RIT2: variants seen among roughly 807,000 people sequenced by gnomAD.
The protein encoded by RIT2 is Ras like without CAAX 2.
Under a neutral mutation model 23.7 loss-of-function variants are expected in RIT2, and 24 were observed. The ratio of observed to expected loss-of-function variants is 1.01; its 90% CI spans 0.73 to 1.43. The LOEUF is 1.43. Ranked by LOEUF, RIT2 falls within the 40% of genes most tolerant of loss-of-function variation. RIT2 has a pLI of 0.00. For missense variants in RIT2, 236 were observed against 266.9 expected (o/e 0.88, Z 0.81); for synonymous variants, 107 against 91.1 (o/e 1.17, Z -0.99).
At chr18:42,843,765 A>G (rs760289155) in intron 4 of RIT2, among the ~76,000 whole-genome samples, 39 of 152,182 alleles carry the variant, frequency 2.6e-4, no homozygotes, top group Admixed American at 2.0e-4. Flanking sequence ...GTTTGTAGCA[A>G]TGACTGGAGA....
chr18:42,748,562 C>T (rs545941105), intron 4 of RIT2, among the ~76,000 whole-genome samples: 1 of 152,086 alleles, frequency 6.6e-6, no homozygotes, highest in Admixed American at 6.6e-5. Flanking sequence ...GTAGAACTAC[C>T]AGTTGATCCA....
intron 4 of RIT2, among the ~76,000 whole-genome samples, chr18:42,921,759 T>A (rs562542896): frequency 3.3e-4 from 50 of 152,218 alleles, no homozygotes; most frequent in Admixed American, 8.5e-4. Context: ...CTCCAGGAAT[T>A]CTTAGAAGTG....
chr18:43,095,403 G>A (rs1913529075), intron 1 of RIT2, among the ~76,000 whole-genome samples: 2 of 151,616 alleles, frequency 1.3e-5, no homozygotes, highest in Non-Finnish European at 2.9e-5. Context: ...ATTTTTTGAT[G>A]GGGTTAAAAA....
Position 42,816,257 on chromosome 18 carries a change from T to C in RIT2, c.427-72537A>G, listed in dbSNP as rs531955128. 2.0e-5 allele frequency among the ~76,000 whole-genome samples: 3 copies of C among 152,266 alleles called. No individual in the cohort carries two copies. In the East Asian group the frequency reaches 5.8e-4, roughly 29 times the overall value. ...CACTGAACACAGACTTGGAAAGAGA[T>C]GCTTGTGCACAATTGGCTCTTGAGA... On this transcript the variant is annotated intron_variant, in intron 4 of 4. Transcript: ENST00000326695.
intron 4 of RIT2, among the ~76,000 whole-genome samples, chr18:42,753,500 G>T (rs1193580960): frequency 6.6e-6 from 1 of 151,988 alleles, no homozygotes; most frequent in African/African-American, 2.4e-5. Flanking sequence ...ATGCCTACTG[G>T]GTGCTGTTAA....
At chr18:42,873,898 T>A (rs923362289) in intron 4 of RIT2, among the ~76,000 whole-genome samples, 6 of 152,264 alleles carry the variant, frequency 3.9e-5, no homozygotes, top group South Asian at 2.1e-4. Context: ...AGTACTGAAC[T>A]GGGAATCAGA....
chr18:42,843,860 G>A (rs1372603509), intron 4 of RIT2, among the ~76,000 whole-genome samples: 5 of 152,002 alleles, frequency 3.3e-5, no homozygotes, highest in African/African-American at 1.2e-4. Context: ...ATCTAAGGAA[G>A]TATCTGAAAT....
intron 3 of RIT2, among the ~76,000 whole-genome samples, chr18:42,973,656 G>C (rs1910411692): frequency 1.3e-5 from 2 of 151,336 alleles, no homozygotes; most frequent in South Asian, 4.2e-4. Context: ...ACTAAATCTT[G>C]GTTATGTCAC....
At chr18:43,009,741 G>A (rs1249726177) in intron 2 of RIT2, among the ~76,000 whole-genome samples, 1 of 151,602 alleles carries the variant, frequency 6.6e-6, no homozygotes, top group East Asian at 1.9e-4. Context: ...TCCAATTAAA[G>A]CGTGACATTG....
intron 1 of RIT2, among the ~76,000 whole-genome samples, chr18:43,092,423 T>C (rs1166358511): frequency 6.6e-6 from 1 of 152,128 alleles, no homozygotes; most frequent in Non-Finnish European, 1.5e-5. Context: ...TGAAAAATGC[T>C]TTTATTCCCT....
intron 2 of RIT2, among the ~76,000 whole-genome samples, chr18:43,001,430 T>C (rs918001525): frequency 5.3e-5 from 8 of 152,064 alleles, no homozygotes; most frequent in Middle Eastern, 3.4e-3. Context: ...TGTTCATATA[T>C]AGGCCAAAAG....
At chr18:42,867,698 G>T (rs1181640196) in intron 4 of RIT2, among the ~76,000 whole-genome samples, 1 of 152,102 alleles carries the variant, frequency 6.6e-6, no homozygotes, top group East Asian at 1.9e-4. Context: ...GGAGGCTGAG[G>T]TGGGAGGATT....
At chr18:42,817,669 G>A (rs779865530) in intron 4 of RIT2, among the ~76,000 whole-genome samples, 5 of 152,028 alleles carry the variant, frequency 3.3e-5, no homozygotes, top group Non-Finnish European at 7.4e-5. Flanking sequence ...GGGAAGGAGG[G>A]AGGACTTTAG....
chr18:43,076,951 A>AC (rs1568075109), intron 1 of RIT2, among the ~76,000 whole-genome samples: 1 of 151,074 alleles, frequency 6.6e-6, no homozygotes, highest in Admixed American at 6.6e-5. Context: ...AAAATACAAA[A>AC]AATTAGCCGG....
intron 4 of RIT2, among the ~76,000 whole-genome samples, chr18:42,880,521 T>C (rs1364724536): frequency 1.3e-5 from 2 of 152,164 alleles, no homozygotes; most frequent in African/African-American, 4.8e-5. Flanking sequence ...GGCATCCGCA[T>C]TATTGATCTT....
At chr18:42,998,903 G>T (rs947498510) in intron 2 of RIT2, among the ~76,000 whole-genome samples, 1 of 152,078 alleles carries the variant, frequency 6.6e-6, no homozygotes, top group Non-Finnish European at 1.5e-5. Flanking sequence ...AGCATAGACT[G>T]TAAGTGTCAG....
intron 2 of RIT2, among the ~76,000 whole-genome samples, chr18:43,005,642 G>C (rs1320019164): frequency 6.6e-6 from 1 of 151,676 alleles, no homozygotes; most frequent in Non-Finnish European, 1.5e-5. Flanking sequence ...CATAGATTTT[G>C]TCTCTCCCTC....
At chr18:43,080,903 AC>A (rs1199757248) in intron 1 of RIT2, among the ~76,000 whole-genome samples, 1 of 152,164 alleles carries the variant, frequency 6.6e-6, no homozygotes, top group Non-Finnish European at 1.5e-5. Context: ...CCAAACTAGG[AC>A]ACTTTTGAGG....
At chr18:42,776,918 AAGTCTAG>A (rs1913685593) in intron 4 of RIT2, among the ~76,000 whole-genome samples, 2 of 152,288 alleles carry the variant, frequency 1.3e-5, no homozygotes, top group South Asian at 4.1e-4. Flanking sequence ...AGACTTTAGA[AAGTCTAG>A]AGTAGAAGAA....
Sources: gnomAD v4.1 joint callset for allele counts (sites outside exome capture counted in the v4.1 genomes callset) on GRCh38, gnomAD v4.1.1 for gene constraint, MANE v1.5 for transcripts, NCBI Gene and HGNC (gene_info 2026-07-23, HGNC 2026-07-21) for gene names.